The following FAM13A variants were observed in gnomAD, a reference collection of about 807,000 sequenced individuals.
The protein encoded by FAM13A is protein FAM13A.
A neutral mutation model predicts 129.6 loss-of-function variants in FAM13A; 76 were observed. The observed-to-expected ratio is 0.59, with a 90% CI of 0.49 to 0.71. The LOEUF is 0.71. FAM13A is among the 30% of genes least tolerant of loss of function. The pLI, the probability that FAM13A is intolerant of heterozygous loss-of-function variation, is 0.00. For synonymous variants in FAM13A, 443 were observed against 449.9 expected, an observed-to-expected ratio of 0.98 and a Z score of 0.20; for missense variants, 1,108 against 1,249.3, an observed-to-expected ratio of 0.89 and a Z score of 1.70.
chr4:88,873,606 C>T (rs1447126019), intron 6 of FAM13A, among the ~76,000 whole-genome samples: 2 of 152,172 alleles, frequency 1.3e-5, no homozygotes, highest in African/African-American at 4.8e-5. Context: ...AGTTGAATCG[C>T]TGAATAGACC....
intron 6 of FAM13A, among the ~76,000 whole-genome samples, chr4:88,888,230 A>C (rs1744762150): frequency 6.6e-6 from 1 of 152,206 alleles, no homozygotes; most frequent in African/African-American, 2.4e-5. Context: ...AGCCAGCTCT[A>C]ATCAATTTAA....
chr4:88,733,066 C>A (rs933140498), intron 21 of FAM13A, among the ~76,000 whole-genome samples: 1 of 151,946 alleles, frequency 6.6e-6, no homozygotes, highest in Non-Finnish European at 1.5e-5. Context: ...AAAATTGGTT[C>A]GGAATACAGC....
intron 4 of FAM13A, among the ~76,000 whole-genome samples, chr4:88,964,287 G>A (rs544335827): frequency 2.6e-5 from 4 of 152,238 alleles, no homozygotes; most frequent in Admixed American, 2.6e-4. Flanking sequence ...ATGGGTAAGG[G>A]CAAGATAGCC....
At chr4:88,929,045 G>T (rs1273451815) in intron 5 of FAM13A, among the ~76,000 whole-genome samples, 1 of 152,024 alleles carries the variant, frequency 6.6e-6, no homozygotes, top group African/African-American at 2.4e-5. Context: ...CCATTTTTAA[G>T]ACGCCTTTGG....
At chr4:88,862,406 G>C (rs56403871) in intron 6 of FAM13A, among the ~76,000 whole-genome samples, 4 of 152,174 alleles carry the variant, frequency 2.6e-5, no homozygotes, top group African/African-American at 9.6e-5. Flanking sequence ...AGGAAATAAA[G>C]AGATGGTGGC....
In FAM13A at chr4:88,728,271, GTGCGTGCA is replaced by G; in HGVS notation, c.*254_*261del. The G allele has an allele frequency of 4.0e-6, 2 of 505,300 alleles. No individual in the cohort carries two copies. Among genetic ancestry groups the G allele is most frequent in the South Asian group, 2.3e-5 (1 of 44,024 alleles). 31.3% of individuals were successfully genotyped at this position (505,300 alleles called of 1,614,324 possible). The stretch of plus-strand genomic sequence containing the variant: ...GAAAGCTCCACTACTGTGTGTGTGT[GTGCGTGCA>G]TGCGCGTGCGCATGTGCACATACTG... On this transcript the variant is annotated 3_prime_UTR_variant, in exon 24 of 24. Coordinates refer to ENST00000264344, the MANE Select transcript of FAM13A (RefSeq NM_014883.4).
intron 4 of FAM13A, 72 bp from the exon 5 acceptor site, chr4:88,938,313 G>A: frequency 8.2e-7 from 1 of 1,220,176 alleles, no homozygotes; most frequent in Non-Finnish European, 1.1e-6. Flanking sequence ...ACTCAGACTT[G>A]TATTTTGAAA....
chr4:88,850,281 G>A (rs1578950258), intron 7 of FAM13A, among the ~76,000 whole-genome samples: 1 of 151,926 alleles, frequency 6.6e-6, no homozygotes, highest in Non-Finnish European at 1.5e-5. Context: ...GTGGCCGGGC[G>A]TGGTGGCTCA....
chr4:89,040,667 G>A (rs750038287), intron 1 of FAM13A, among the ~76,000 whole-genome samples: 8 of 152,156 alleles, frequency 5.3e-5, no homozygotes, highest in Non-Finnish European at 1.2e-4. Context: ...TTTGGTGAAT[G>A]TGCAGCTTTG....
At chr4:88,747,123 C>T (rs1237663817) in intron 18 of FAM13A, 108 bp from the exon 19 acceptor site, 4 of 747,452 alleles carry the variant, frequency 5.4e-6, no homozygotes, top group Admixed American at 4.4e-5. Context: ...CCTCATATAA[C>T]AGCTCTCCCT....
intron 7 of FAM13A, among the ~76,000 whole-genome samples, chr4:88,848,828 T>G (rs1197626585): frequency 6.6e-6 from 1 of 152,208 alleles, no homozygotes; most frequent in Non-Finnish European, 1.5e-5. Context: ...CCTATTTAGC[T>G]TAGTCTCTTA....
intron 1 of FAM13A, among the ~76,000 whole-genome samples, chr4:89,032,467 C>T (rs993507239): frequency 1.3e-5 from 2 of 152,070 alleles, no homozygotes; most frequent in South Asian, 2.1e-4. Flanking sequence ...TTAGAATAAT[C>T]CTTAGGGGCC....
chr4:88,994,925 T>C (rs1290996827), intron 3 of FAM13A, among the ~76,000 whole-genome samples: 1 of 152,222 alleles, frequency 6.6e-6, no homozygotes, highest in African/African-American at 2.4e-5. Flanking sequence ...CACTGCCTTA[T>C]ACATTCATGT....
intron 8 of FAM13A, among the ~76,000 whole-genome samples, chr4:88,801,065 A>T (rs1400595784): frequency 6.6e-6 from 1 of 152,238 alleles, no homozygotes; most frequent in Admixed American, 6.5e-5. Context: ...AATCACAAAC[A>T]TACAAATTCT....
At position 88,874,901 on chromosome 4, in the gene FAM13A, C is replaced by G. The variant is rs569649933; in HGVS notation, c.844-23718G>C. On this transcript the variant is annotated intron_variant, in intron 6 of 23. Transcript: ENST00000264344. ...CCTGACTTCAAACTATACTACAAGGCTACAGTAACCAAAACAGCATGGTAC... is the reference window on the plus strand; with the variant it reads ...CCTGACTTCAAACTATACTACAAGGGTACAGTAACCAAAACAGCATGGTAC... 2.0e-5 allele frequency among the ~76,000 whole-genome samples: 3 copies of G among 152,290 alleles called. No individual in the cohort carries two copies. The East Asian group carries it at 5.8e-4, about 29-fold the overall frequency.
intron 5 of FAM13A, among the ~76,000 whole-genome samples, chr4:88,927,361 G>A (rs1227216582): frequency 6.6e-6 from 1 of 150,870 alleles, no homozygotes; most frequent in African/African-American, 2.4e-5. Context: ...GAGCCTTTAG[G>A]GATTTCTAGA....
In FAM13A at chr4:88,730,540, G is replaced by A. The variant is rs146474555; in HGVS notation, c.2945+787C>T. On this transcript the variant is annotated intron_variant, in intron 23 of 23. Transcript: ENST00000264344. Reference sequence around the variant, plus strand: ...CGAGTAGCTGGGATTACAGGCCTGTGCTACTGCACCCGGCTAATTTTTTGT... The same window carrying A: ...CGAGTAGCTGGGATTACAGGCCTGTACTACTGCACCCGGCTAATTTTTTGT... Among the ~76,000 whole-genome samples the A allele has an allele frequency of 1.6e-3, 250 of 152,178 alleles. 3 individuals carry two copies. The highest frequency in any genetic ancestry group is 3.1e-3 in the South Asian group (15 of 4,822).
At chr4:89,052,253 T>G (rs1195834327) in intron 1 of FAM13A, among the ~76,000 whole-genome samples, 1 of 83,662 alleles carries the variant, frequency 1.2e-5, no homozygotes, top group Non-Finnish European at 2.2e-5. Flanking sequence ...GGCAGCGCTT[T>G]CTTTTTTTTT....
intron 7 of FAM13A, among the ~76,000 whole-genome samples, chr4:88,849,713 T>C (rs112418299): frequency 1.3e-5 from 2 of 152,332 alleles, no homozygotes; most frequent in African/African-American, 4.8e-5. Context: ...AGGGGCCTCG[T>C]TGGTTTTGTT....
Sources: gnomAD v4.1 joint callset for allele counts (sites outside exome capture counted in the v4.1 genomes callset) on GRCh38, gnomAD v4.1.1 for gene constraint, MANE v1.5 for transcripts, NCBI Gene and HGNC (gene_info 2026-07-23, HGNC 2026-07-21) for gene names.